CCDC73: variants seen among roughly 807,000 people sequenced by gnomAD.
The protein encoded by CCDC73 is coiled-coil domain containing 73, also known as coiled-coil domain-containing protein 73.
CCDC73 carries 95 observed loss-of-function variants against 116.5 expected under a neutral mutation model. That is an observed-to-expected ratio of 0.82 (90% CI 0.69 to 0.97). The LOEUF is 0.97. CCDC73 is among the 50% of genes least tolerant of loss of function. The pLI, the probability that CCDC73 is intolerant of heterozygous loss-of-function variation, is 0.00. For synonymous variants in CCDC73, 398 were observed against 401.3 expected, an observed-to-expected ratio of 0.99 and a Z score of 0.10; for missense variants, 1,066 against 1,206.8, an observed-to-expected ratio of 0.88 and a Z score of 1.73.
chr11:32,675,094 C>T (rs973068793), intron 9 of CCDC73, among the ~76,000 whole-genome samples: 3 of 152,176 alleles, frequency 2.0e-5, no homozygotes, highest in Admixed American at 6.5e-5. Context: ...ACATCTTTCA[C>T]TTTTTCTTCT....
At chr11:32,732,180 C>G (rs917600264) in intron 2 of CCDC73, among the ~76,000 whole-genome samples, 3 of 152,000 alleles carry the variant, frequency 2.0e-5, no homozygotes, top group African/African-American at 7.3e-5. Context: ...GATTGAAGAT[C>G]AAATGAATGA....
At chr11:32,808,169 A>G in the CCDC73 span, among the ~76,000 whole-genome samples, 1 of 114,116 alleles carries the variant, frequency 8.8e-6, no homozygotes, top group Non-Finnish European at 1.9e-5. Flanking sequence ...AGGATAAAGG[A>G]AAAAAAATAT....
intron 4 of CCDC73, among the ~76,000 whole-genome samples, chr11:32,702,309 A>G (rs989117540): frequency 1.7e-4 from 26 of 152,250 alleles, no homozygotes; most frequent in African/African-American, 5.3e-4. Flanking sequence ...AATTTTAGTC[A>G]AGAAAAGCTA....
intron 9 of CCDC73, among the ~76,000 whole-genome samples, chr11:32,663,277 T>C (rs2133273389): frequency 6.6e-6 from 1 of 152,356 alleles, no homozygotes; most frequent in East Asian, 1.9e-4. Context: ...TTTGGCAGTA[T>C]GGCCATTTTC....
At chr11:32,776,723 A>G (rs547728008) in intron 1 of CCDC73, among the ~76,000 whole-genome samples, 6 of 151,714 alleles carry the variant, frequency 4.0e-5, no homozygotes, top group African/African-American at 7.3e-5. Flanking sequence ...TATGTTCAAT[A>G]TGCCTCTCCA....
At chr11:32,743,269 G>C (rs1175049032) in intron 2 of CCDC73, among the ~76,000 whole-genome samples, 1 of 152,126 alleles carries the variant, frequency 6.6e-6, no homozygotes, top group Non-Finnish European at 1.5e-5. Flanking sequence ...TCAGAATATT[G>C]ATTCTTCCTA....
At chr11:32,823,570 T>C in the CCDC73 span, among the ~76,000 whole-genome samples, 1 of 151,070 alleles carries the variant, frequency 6.6e-6, no homozygotes, top group East Asian at 1.9e-4. Flanking sequence ...TAATAGTAGA[T>C]ATACTACAAG....
chr11:32,656,246 T>A (rs376305194), intron 9 of CCDC73, among the ~76,000 whole-genome samples: 23 of 151,850 alleles, frequency 1.5e-4, no homozygotes, highest in African/African-American at 4.3e-4. Flanking sequence ...CCCGGCTAAT[T>A]TTTTTTGTAT....
At chr11:32,643,452 T>A (rs1341032060) in intron 12 of CCDC73, among the ~76,000 whole-genome samples, 4 of 152,050 alleles carry the variant, frequency 2.6e-5, no homozygotes, top group African/African-American at 9.7e-5. Flanking sequence ...CATCATAGAG[T>A]GTACTTACAC....
the CCDC73 span, among the ~76,000 whole-genome samples, chr11:32,810,175 C>A: frequency 1.3e-5 from 2 of 152,204 alleles, no homozygotes; most frequent in African/African-American, 2.4e-5. Flanking sequence ...GGATCTGTTA[C>A]ATTAATTTCA....
intron 1 of CCDC73, among the ~76,000 whole-genome samples, chr11:32,785,176 A>C (rs970416410): frequency 1.3e-5 from 2 of 152,196 alleles, no homozygotes; most frequent in Non-Finnish European, 2.9e-5. Flanking sequence ...AGGAAAAAAA[A>C]AGAACAGAAC....
intron 10 of CCDC73, 117 bp from the exon 11 acceptor site, chr11:32,654,154 C>T (rs192616704): frequency 3.7e-5 from 34 of 913,634 alleles, no homozygotes; most frequent in African/African-American, 2.9e-4. Context: ...AGAGTACCCA[C>T]ATTTGTTTTT....
chr11:32,603,072 A>T, intron 17 of CCDC73, 52 bp from the exon 18 acceptor site: 1 of 1,444,074 alleles, frequency 6.9e-7, no homozygotes, highest in Non-Finnish European at 9.5e-7. Flanking sequence ...AAAAGATTTT[A>T]AAGAGTCTGT....
upstream of CCDC73, among the ~76,000 whole-genome samples, chr11:32,795,389 T>G (rs1590652417): frequency 6.6e-6 from 1 of 151,086 alleles, no homozygotes; most frequent in East Asian, 2.0e-4. Context: ...GAGGATAGAT[T>G]GAGCCTGGGA....
intron 6 of CCDC73, 88 bp downstream of exon 6, chr11:32,699,163 G>C (rs1263094008): frequency 6.6e-6 from 9 of 1,362,182 alleles, no homozygotes; most frequent in Non-Finnish European, 8.6e-6. Flanking sequence ...TGTCAGCTTT[G>C]CTTTGTAGCT....
rs527776192 is a variant in CCDC73, at chr11:32,674,356, A to AC, written c.645+1208dup. On this transcript the variant is annotated intron_variant, in intron 9 of 17. Coordinates refer to ENST00000335185, the MANE Select transcript of CCDC73 (RefSeq NM_001008391.4). ...ATTGGAAGGGAGTGGGAAAAGGAAA[A>AC]CAGATATCATTCTCTACAGAAAGAA... Among the ~76,000 whole-genome samples, 18 of 152,248 alleles carry AC rather than the reference A, an allele frequency of 1.2e-4. No individual in the cohort carries two copies. In the East Asian group the frequency reaches 2.7e-3, roughly 23 times the overall value.
At chr11:32,619,281 G>C (rs909242456) in intron 14 of CCDC73, among the ~76,000 whole-genome samples, 1 of 152,154 alleles carries the variant, frequency 6.6e-6, no homozygotes, top group African/African-American at 2.4e-5. Flanking sequence ...TTTTCTTTTA[G>C]TATTCTAATG....
intron 2 of CCDC73, among the ~76,000 whole-genome samples, chr11:32,739,030 C>T (rs1202114624): frequency 6.6e-6 from 1 of 152,040 alleles, no homozygotes; most frequent in Non-Finnish European, 1.5e-5. Flanking sequence ...TCTGGGTTCT[C>T]TATTCTGTTG....
chr11:32,701,128 A>C, intron 4 of CCDC73, among the ~76,000 whole-genome samples: 1 of 152,274 alleles, frequency 6.6e-6, no homozygotes, highest in East Asian at 1.9e-4. Flanking sequence ...AGTAGCTGAG[A>C]CTAGAGCACA....
Sources: allele counts gnomAD v4.1 joint callset (sites outside exome capture counted in the v4.1 genomes callset), GRCh38; gene constraint gnomAD v4.1.1; transcripts MANE v1.5; gene names NCBI Gene and HGNC (gene_info 2026-07-23, HGNC 2026-07-21).